SAMD7: variants seen among roughly 807,000 people sequenced by gnomAD.
SAMD7 encodes the protein sterile alpha motif domain containing 7, also known as sterile alpha motif domain-containing protein 7.
SAMD7 carries 34 observed loss-of-function variants against 36.7 expected under a neutral mutation model. The observed-to-expected ratio is 0.93, with a 90% CI of 0.71 to 1.23. The LOEUF is 1.23. SAMD7 is among the 50% of genes most tolerant of loss of function. The probability of loss-of-function intolerance (pLI) is 0.00; values close to 1 mark genes in which losing one functional copy is unlikely to be tolerated. For synonymous variants in SAMD7, 188 were observed against 189.7 expected, an observed-to-expected ratio of 0.99 and a Z score of 0.07; for missense variants, 570 against 546.6, an observed-to-expected ratio of 1.04 and a Z score of -0.43.
intron 1 of SAMD7, among the ~76,000 whole-genome samples, chr3:169,913,865 C>A (rs1712697337): frequency 1.3e-5 from 2 of 152,144 alleles, no homozygotes; most frequent in Non-Finnish European, 2.9e-5. Context: ...GATTTTAAGG[C>A]AACACAAATT....
At chr3:169,922,991 G>A (rs906014921) in intron 4 of SAMD7, among the ~76,000 whole-genome samples, 3 of 152,154 alleles carry the variant, frequency 2.0e-5, no homozygotes, top group African/African-American at 7.2e-5. Flanking sequence ...GAGTCGTGTT[G>A]GTGAAAACAT....
chr3:169,936,037 C>A (rs1037005028), intron 7 of SAMD7, among the ~76,000 whole-genome samples: 7 of 152,190 alleles, frequency 4.6e-5, no homozygotes, highest in Non-Finnish European at 4.4e-5. Context: ...CATATGCCAG[C>A]CTCTGTATTA....
intron 1 of SAMD7, among the ~76,000 whole-genome samples, chr3:169,913,730 G>T (rs762583461): frequency 9.9e-5 from 15 of 152,204 alleles, no homozygotes; most frequent in Non-Finnish European, 2.2e-4. Context: ...ATCTGCTACT[G>T]CAAAGTGACC....
intron 3 of SAMD7, among the ~76,000 whole-genome samples, chr3:169,920,448 A>G (rs1712995987): frequency 6.6e-6 from 1 of 152,166 alleles, no homozygotes; most frequent in South Asian, 2.1e-4. Flanking sequence ...CCCCACCTTT[A>G]TAATATCATT....
At chr3:169,921,172 A>G in intron 3 of SAMD7, 42 bp from the exon 4 acceptor site, 2 of 1,594,488 alleles carry the variant, frequency 1.3e-6, no homozygotes, top group Non-Finnish European at 8.6e-7. Context: ...GTGTACTCCA[A>G]CCTCATTTTA....
At position 169,938,640 on chromosome 3, in the gene SAMD7, A is replaced by AG. The variant is rs981283414; in HGVS notation, c.*136dup. ...GTCAGCCTTTCTGGGGCTTTCATGGAGGAGACTTGCCCAAGGGGCTTCCCT... is the reference window on the plus strand; with the variant it reads ...GTCAGCCTTTCTGGGGCTTTCATGGAGGGAGACTTGCCCAAGGGGCTTCCCT... On this transcript the variant is annotated 3_prime_UTR_variant, in exon 9 of 9. Coordinates refer to ENST00000335556, the MANE Select transcript of SAMD7 (RefSeq NM_001304366.2). 2 of 620,586 alleles carry AG rather than the reference A, an allele frequency of 3.2e-6. No individual in the cohort carries two copies. The highest frequency in any genetic ancestry group is 3.7e-5 in the African/African-American group (2 of 53,480). The allele number at this position is 620,586 out of a possible 1,614,324, so 38.4% of individuals were successfully genotyped here. A position where few individuals can be genotyped will look rare whatever the true frequency, so the allele number is the denominator to read the frequency against.
intron 1 of SAMD7, among the ~76,000 whole-genome samples, chr3:169,913,820 T>C (rs1306874897): frequency 1.3e-5 from 2 of 152,206 alleles, no homozygotes; most frequent in East Asian, 3.8e-4. Flanking sequence ...TAAAGACTCG[T>C]GCTTGATCAT....
In SAMD7 at chr3:169,926,745, G is replaced by A. The variant is rs1242755022; in HGVS notation, c.483G>A (p.Gln161=). Reference sequence around the variant, plus strand: ...ACAGAAGCACCCTCAGAAACCTTCAGGGAAACCCCATGCTAGCGGCAACTG... The same window carrying A: ...ACAGAAGCACCCTCAGAAACCTTCAAGGAAACCCCATGCTAGCGGCAACTG... ...HFHRSTLRNL[Q]GNPMLAATAP... is the part of the protein sequence containing the mutation. Residue 161 remains glutamine, a synonymous_variant, in exon 6 of 9, where the codon CAG becomes CAA. Coordinates refer to ENST00000335556, the MANE Select transcript of SAMD7 (RefSeq NM_001304366.2). The A allele has an allele frequency of 1.9e-6, 3 of 1,614,016 alleles. No individual in the cohort carries two copies. Among genetic ancestry groups the A allele is most frequent in the African/African-American group, 2.7e-5 (2 of 74,984 alleles).
chr3:169,934,582 A>G (rs1406805577), intron 7 of SAMD7, among the ~76,000 whole-genome samples: 1 of 152,184 alleles, frequency 6.6e-6, no homozygotes, highest in Non-Finnish European at 1.5e-5. Context: ...AAGTGACCAC[A>G]TGGTATGGGG....
At chr3:169,928,319 C>A in intron 6 of SAMD7, 138 bp from the exon 7 acceptor site, 1 of 608,186 alleles carries the variant, frequency 1.6e-6, no homozygotes, top group Non-Finnish European at 2.8e-6. Flanking sequence ...TTTTAGAAAA[C>A]ATCTCCTAGT....
intron 6 of SAMD7, among the ~76,000 whole-genome samples, chr3:169,927,527 C>A (rs1713328855): frequency 6.6e-6 from 1 of 151,900 alleles, no homozygotes; most frequent in Admixed American, 6.6e-5. Context: ...AATCTCCTGA[C>A]CTCGTGATCC....
intron 1 of SAMD7, among the ~76,000 whole-genome samples, chr3:169,914,412 A>G (rs1415534252): frequency 6.6e-6 from 1 of 152,242 alleles, no homozygotes; most frequent in East Asian, 1.9e-4. Context: ...TCATAAGTGC[A>G]AGGATTAAAA....
At chr3:169,932,987 C>T (rs1175632473) in intron 7 of SAMD7, 3 of 720,154 alleles carry the variant, frequency 4.2e-6, no homozygotes, top group African/African-American at 3.5e-5. Flanking sequence ...TCTTTCCCCC[C>T]CTCTATCAGT....
chr3:169,924,495 G>C (rs1411330400), intron 4 of SAMD7, among the ~76,000 whole-genome samples: 1 of 152,120 alleles, frequency 6.6e-6, no homozygotes, highest in Non-Finnish European at 1.5e-5. Context: ...GCTGAGGCAG[G>C]AGAATTGCTT....
chr3:169,919,934 G>T (rs1353114947), intron 3 of SAMD7, among the ~76,000 whole-genome samples: 2 of 152,330 alleles, frequency 1.3e-5, no homozygotes, highest in African/African-American at 4.8e-5. Flanking sequence ...CAGCACTTTG[G>T]GAGGCCAAGG....
intron 7 of SAMD7, among the ~76,000 whole-genome samples, chr3:169,930,873 G>A (rs1428672478): frequency 5.3e-5 from 8 of 151,760 alleles, no homozygotes; most frequent in Non-Finnish European, 7.4e-5. Flanking sequence ...GAGCCACCGC[G>A]CCCAGCCCCA....
rs537844625 is a variant in SAMD7, at chr3:169,923,667, G to A, written c.212-1391G>A. Among the ~76,000 whole-genome samples, 289 of 152,300 alleles carry A rather than the reference G, an allele frequency of 1.9e-3. 1 individual carries two copies. The highest frequency in any genetic ancestry group is 5.1e-3 in the African/African-American group (210 of 41,568). On this transcript the variant is annotated intron_variant, in intron 4 of 8. Coordinates refer to ENST00000335556, the MANE Select transcript of SAMD7 (RefSeq NM_001304366.2). ...TGAGGCAGGAGAATCACTTGAACACGGGAGAGGGAGGTTGCAATGAGCCAA... is the reference window on the plus strand; with the variant it reads ...TGAGGCAGGAGAATCACTTGAACACAGGAGAGGGAGGTTGCAATGAGCCAA...
rs148776097 is a variant in SAMD7, at chr3:169,917,625, G to GTTTGTTTA, written c.-41-1830_-41-1829insGTTTATTT. Among the ~76,000 whole-genome samples, 311 of 146,120 alleles carry GTTTGTTTA rather than the reference G, an allele frequency of 2.1e-3. 1 individual carries two copies. The highest frequency in any genetic ancestry group is 2.9e-3 in the Non-Finnish European group (194 of 66,742). ...TAGTTATTTTTATTTTTATTTGTTT[G>GTTTGTTTA]TTTATTTATTTATTTATTTATTTAT... On this transcript the variant is annotated intron_variant, in intron 2 of 8. Coordinates refer to ENST00000335556, the MANE Select transcript of SAMD7 (RefSeq NM_001304366.2).
chr3:169,938,231 C>T (rs1291462348), intron 8 of SAMD7, 87 bp from the exon 9 acceptor site: 1 of 834,734 alleles, frequency 1.2e-6, no homozygotes, highest in East Asian at 2.5e-5. Context: ...CCTGAAATTA[C>T]CTCAGCCTCT....
Sources: gnomAD v4.1 joint callset for allele counts (sites outside exome capture counted in the v4.1 genomes callset) on GRCh38, gnomAD v4.1.1 for gene constraint, MANE v1.5 for transcripts, NCBI Gene and HGNC (gene_info 2026-07-23, HGNC 2026-07-21) for gene names.